Variants in MED12L observed in about 807,000 individuals in gnomAD.
The protein encoded by MED12L is mediator of RNA polymerase II transcription subunit 12-like protein.
In MED12L, 60 loss-of-function variants were observed where a neutral mutation model predicts 281.3. The ratio of observed to expected loss-of-function variants is 0.21; its 90% CI spans 0.17 to 0.26. The LOEUF is 0.26. Ranked by LOEUF, MED12L falls within the 10% of genes least tolerant of loss-of-function variation. The probability of loss-of-function intolerance (pLI) is 1.00; values close to 1 mark genes in which losing one functional copy is unlikely to be tolerated. For missense variants in MED12L, 2,146 were observed against 2,680.9 expected, an observed-to-expected ratio of 0.80 and a Z score of 4.41; for synonymous variants, 974 against 987.2, an observed-to-expected ratio of 0.99 and a Z score of 0.25.
intron 16 of MED12L, among the ~76,000 whole-genome samples, chr3:151,277,485 A>AT (rs977026929): frequency 6.6e-6 from 1 of 151,940 alleles, no homozygotes; most frequent in Non-Finnish European, 1.5e-5. Flanking sequence ...CAAACTATTT[A>AT]TTTTTTTACT....
intron 16 of MED12L, among the ~76,000 whole-genome samples, chr3:151,334,188 C>CTTTTTTTTTTTTTTTTTTTTTTTTTT (rs1225344552): frequency 9.9e-5 from 3 of 30,304 alleles, no homozygotes; most frequent in South Asian, 1.3e-3. Flanking sequence ...TTTTTTCTTT[C>CTTTTTTTTTTTTTTTTTTTTTTTTTT]TTTCTTTCTT....
intron 11 of MED12L, among the ~76,000 whole-genome samples, chr3:151,167,983 T>G (rs1720933462): frequency 6.6e-6 from 1 of 152,184 alleles, no homozygotes; most frequent in South Asian, 2.1e-4. Flanking sequence ...CATAACCACC[T>G]TAGTTTTGTG....
chr3:151,218,498 A>G (rs978359660), intron 16 of MED12L, among the ~76,000 whole-genome samples: 1 of 152,212 alleles, frequency 6.6e-6, no homozygotes, highest in Non-Finnish European at 1.5e-5. Context: ...TTGAGGCTTT[A>G]GGAATATAAA....
chr3:151,284,806 C>T (rs1423177053), intron 16 of MED12L, among the ~76,000 whole-genome samples: 1 of 152,134 alleles, frequency 6.6e-6, no homozygotes, highest in Non-Finnish European at 1.5e-5. Context: ...CAGGGTTTCT[C>T]TATGTTGGTC....
chr3:151,092,995 T>C (rs978102630), intron 2 of MED12L, among the ~76,000 whole-genome samples: 6 of 152,164 alleles, frequency 3.9e-5, no homozygotes, highest in Non-Finnish European at 8.8e-5. Flanking sequence ...TGGTTGTCAT[T>C]TTTCAGGGTC....
At chr3:151,238,473 C>G (rs552444682) in intron 16 of MED12L, among the ~76,000 whole-genome samples, 1 of 152,206 alleles carries the variant, frequency 6.6e-6, no homozygotes, top group African/African-American at 2.4e-5. Flanking sequence ...AAAATGTGGT[C>G]TGCAGAACCA....
At chr3:151,377,278 G>A in intron 30 of MED12L, 100 bp downstream of exon 30, 5 of 880,272 alleles carry the variant, frequency 5.7e-6, no homozygotes, top group Non-Finnish European at 5.2e-6. Flanking sequence ...ATAGGAATGT[G>A]AAGAACATAG....
chr3:151,353,485 C>T (rs1378309814), intron 17 of MED12L, among the ~76,000 whole-genome samples: 1 of 152,202 alleles, frequency 6.6e-6, no homozygotes, highest in Non-Finnish European at 1.5e-5. Flanking sequence ...AAAAGTGGCA[C>T]AAGCTTGTAA....
At chr3:151,208,981 T>C (rs6800064) in intron 16 of MED12L, among the ~76,000 whole-genome samples, 52,547 of 152,042 alleles carry the variant, frequency 0.35, 12,753 homozygotes, top group African/African-American at 0.69. Context: ...AGTCCTGTGT[T>C]GCAGGTCCCC....
In MED12L at chr3:151,299,356, CTTTCT is replaced by C. The variant is rs71138493; in HGVS notation, c.2251-50663_2251-50659del. Among the ~76,000 whole-genome samples the C allele has an allele frequency of 4.2e-3, 393 of 94,378 alleles. 1 individual carries two copies. The highest frequency in any genetic ancestry group is 8.6e-3 in the South Asian group (19 of 2,202). 61.9% of individuals were successfully genotyped at this position (94,378 alleles called of 152,430 possible). On this transcript the variant is annotated intron_variant, in intron 16 of 44. Transcript: ENST00000687756. ...TCCTTCTTTCTTTCCTTCCTTCCTT[CTTTCT>C]TTTCTTTTCTTTTCTTTTCTTTTCT...
intron 3 of MED12L, among the ~76,000 whole-genome samples, chr3:151,119,849 A>G (rs905923807): frequency 3.9e-5 from 6 of 152,070 alleles, no homozygotes; most frequent in Non-Finnish European, 5.9e-5. Context: ...TAACTCCTAA[A>G]TTTTTTCCCC....
At position 151,338,472 on chromosome 3, in the gene MED12L, T is replaced by G; in HGVS notation, c.2251-11587T>G. Reference sequence around the variant, plus strand: ...GGATGTTTTAAATGGCCTGGTGGTCTTCTGGTAGCGATCGATAGTTATCAG... The same window carrying G: ...GGATGTTTTAAATGGCCTGGTGGTCGTCTGGTAGCGATCGATAGTTATCAG... On this transcript the variant is annotated intron_variant, in intron 16 of 44. Coordinates refer to ENST00000687756, the MANE Select transcript of MED12L (RefSeq NM_001393769.1). 6.2e-7 allele frequency: 1 copy of G among 1,614,006 alleles called. No homozygotes were observed. Among genetic ancestry groups the G allele is most frequent in the Non-Finnish European group, 8.5e-7 (1 of 1,179,996 alleles).
intron 34 of MED12L, 32 bp downstream of exon 34, chr3:151,383,920 T>C (rs1405863110): frequency 6.4e-7 from 1 of 1,572,372 alleles, no homozygotes; most frequent in African/African-American, 1.3e-5. Context: ...TTGATTTTGC[T>C]ACATGTATGC....
chr3:151,417,487 C>CCCCTCTT (rs1717736742), intron 43 of MED12L, among the ~76,000 whole-genome samples: 1 of 78,818 alleles, frequency 1.3e-5, no homozygotes, highest in Non-Finnish European at 2.3e-5. Flanking sequence ...CCCCCCCCGC[C>CCCCTCTT]TTTTTTTTTT....
chr3:151,255,575 G>A (rs576253914), intron 16 of MED12L, among the ~76,000 whole-genome samples: 3 of 152,210 alleles, frequency 2.0e-5, no homozygotes, highest in South Asian at 4.2e-4. Flanking sequence ...CTGAACACAC[G>A]CGATTTTTCC....
At chr3:151,270,006 G>A in intron 16 of MED12L, 1 of 256,200 alleles carries the variant, frequency 3.9e-6, no homozygotes, top group Non-Finnish European at 7.6e-6. Flanking sequence ...GATGAAGAAA[G>A]GGAAGGAGAT....
At chr3:151,088,760 C>T (rs1215663295) in intron 2 of MED12L, among the ~76,000 whole-genome samples, 1 of 152,092 alleles carries the variant, frequency 6.6e-6, no homozygotes, top group South Asian at 2.1e-4. Flanking sequence ...TGAAACAGGC[C>T]TGGGAAAGCT....
chr3:151,385,684 G>T (rs1278147136), intron 36 of MED12L, among the ~76,000 whole-genome samples: 3 of 148,302 alleles, frequency 2.0e-5, no homozygotes, highest in Non-Finnish European at 4.4e-5. Context: ...CTACACCCTA[G>T]CCTGGGCAAC....
chr3:151,281,232 CAAAAAAAAAAAAA>C (rs35035320), intron 16 of MED12L, among the ~76,000 whole-genome samples: 47 of 49,964 alleles, frequency 9.4e-4, no homozygotes, highest in Non-Finnish European at 1.3e-3. Flanking sequence ...ACCAAAAATA[CAAAAAAAAAAAAA>C]AAAAAAAAAA....
Sources: gnomAD v4.1 joint callset for allele counts (sites outside exome capture counted in the v4.1 genomes callset) on GRCh38, gnomAD v4.1.1 for gene constraint, MANE v1.5 for transcripts, NCBI Gene and HGNC (gene_info 2026-07-23, HGNC 2026-07-21) for gene names.